Variants in TBC1D15 observed in about 807,000 individuals in gnomAD.
The protein encoded by TBC1D15 is TBC1 domain family member 15, also known as GAP for RAB7.
In TBC1D15, 39 loss-of-function variants were observed where a neutral mutation model predicts 95.4. The observed-to-expected ratio is 0.41, with a 90% CI of 0.32 to 0.53. TBC1D15 has a LOEUF of 0.53. Ranked by LOEUF, TBC1D15 falls within the 20% of genes least tolerant of loss-of-function variation. The pLI, the probability that TBC1D15 is intolerant of heterozygous loss-of-function variation, is 0.29. For synonymous variants in TBC1D15, 258 were observed against 261.3 expected (o/e 0.99, Z 0.12); for missense variants, 733 against 794.3 (o/e 0.92, Z 0.93).
chr12:71,911,375 A>G (rs533180064), intron 11 of TBC1D15, among the ~76,000 whole-genome samples: 1 of 152,076 alleles, frequency 6.6e-6, no homozygotes, highest in Admixed American at 6.6e-5. Context: ...AACCAATCCA[A>G]ATGTCCAATA....
intron 8 of TBC1D15, 112 bp from the exon 9 acceptor site, chr12:71,896,565 A>G (rs1242068761): frequency 9.9e-6 from 8 of 810,496 alleles, no homozygotes; most frequent in Admixed American, 8.0e-5. Context: ...AACTATTTAC[A>G]TATATGAAAC....
intron 1 of TBC1D15, among the ~76,000 whole-genome samples, chr12:71,867,581 A>G (rs767429297): frequency 6.6e-6 from 1 of 152,226 alleles, no homozygotes; most frequent in Non-Finnish European, 1.5e-5. Flanking sequence ...ATTTTGGAAT[A>G]TTTGCAGTAT....
At chr12:71,849,209 T>C in intron 1 of TBC1D15, 1 of 416,798 alleles carries the variant, frequency 2.4e-6, no homozygotes, top group Non-Finnish European at 4.3e-6. Flanking sequence ...TCAGTGTCCA[T>C]AGGGTTGTTC....
intron 10 of TBC1D15, among the ~76,000 whole-genome samples, chr12:71,901,051 A>G (rs975440856): frequency 6.6e-6 from 1 of 152,146 alleles, no homozygotes; most frequent in African/African-American, 2.4e-5. Context: ...GTCTTTCAAG[A>G]GACAGATTCT....
chr12:71,855,810 TA>T (rs1888922761), intron 1 of TBC1D15, among the ~76,000 whole-genome samples: 1 of 152,100 alleles, frequency 6.6e-6, no homozygotes, highest in African/African-American at 2.4e-5. Context: ...GTAGTAGTAT[TA>T]AAACATAGCT....
At chr12:71,872,686 T>C (rs1892941720) in intron 2 of TBC1D15, among the ~76,000 whole-genome samples, 2 of 152,184 alleles carry the variant, frequency 1.3e-5, no homozygotes, top group South Asian at 2.1e-4. Context: ...GTCTGTACTT[T>C]AGATAAAATG....
intron 1 of TBC1D15, among the ~76,000 whole-genome samples, chr12:71,862,205 G>A (rs961287820): frequency 3.3e-5 from 5 of 152,066 alleles, no homozygotes; most frequent in Non-Finnish European, 5.9e-5. Flanking sequence ...GGTCTAAAGT[G>A]CAGCTTAAAT....
intron 5 of TBC1D15, among the ~76,000 whole-genome samples, chr12:71,890,566 G>T (rs1897037563): frequency 2.6e-5 from 4 of 152,098 alleles, no homozygotes; most frequent in African/African-American, 7.2e-5. Context: ...TTTTACAGGA[G>T]CAGGGCCTTA....
chr12:71,883,212 A>G (rs1216076937), intron 4 of TBC1D15, among the ~76,000 whole-genome samples: 1 of 151,478 alleles, frequency 6.6e-6, no homozygotes, highest in Non-Finnish European at 1.5e-5. Context: ...TGTTCTAGGT[A>G]GTCTAAGTAC....
At chr12:71,920,647 T>TC in intron 14 of TBC1D15, 84 bp from the exon 15 acceptor site, 1 of 1,032,790 alleles carries the variant, frequency 9.7e-7, no homozygotes, top group Non-Finnish European at 1.5e-6. Context: ...TGCATAGAAG[T>TC]CATTCAGTGT....
Position 71,905,248 on chromosome 12 carries a change from T to C in TBC1D15, c.1184-1774T>C, listed in dbSNP as rs1483801682. On this transcript the variant is annotated intron_variant, in intron 10 of 16. Transcript: ENST00000485960. ...AGGCAGATATTCTGTATTGGCATTA[T>C]GGTAATATAAATTATGCTTGAGTTA... 2.0e-5 allele frequency among the ~76,000 whole-genome samples: 3 copies of C among 152,234 alleles called. No individual in the cohort carries two copies. The East Asian group carries it at 5.8e-4, about 29-fold the overall frequency.
At chr12:71,867,009 A>C (rs1263680990) in intron 1 of TBC1D15, among the ~76,000 whole-genome samples, 1 of 152,216 alleles carries the variant, frequency 6.6e-6, no homozygotes, top group African/African-American at 2.4e-5. Flanking sequence ...ACATAAGATC[A>C]CACCCTTAAA....
intron 1 of TBC1D15, chr12:71,854,458 C>T (rs1015977895): frequency 4.7e-6 from 2 of 425,952 alleles, no homozygotes; most frequent in Non-Finnish European, 9.3e-6. Flanking sequence ...AATTTGTTCT[C>T]TTTGTTGTTA....
chr12:71,880,611 T>G lies in TBC1D15; in HGVS notation c.343+4T>G. The G allele has an allele frequency of 6.3e-7, 1 of 1,598,806 alleles. No individual in the cohort carries two copies. The highest frequency in any genetic ancestry group is 8.5e-7 in the Non-Finnish European group (1 of 1,174,676). ...AGGAAACCACATACCAATGGAGGTA[T>G]GAATTAAATCTTTTGAAATCTTAAA... On this transcript the variant is annotated splice_donor_region_variant and intron_variant, in intron 4 of 16. Transcript: ENST00000485960.
intron 1 of TBC1D15, among the ~76,000 whole-genome samples, chr12:71,857,699 A>G (rs1889409642): frequency 6.6e-6 from 1 of 152,224 alleles, no homozygotes; most frequent in African/African-American, 2.4e-5. Context: ...TCTTTGTGTT[A>G]GAAGCATTCA....
At chr12:71,885,294 T>C (rs1896013414) in intron 5 of TBC1D15, among the ~76,000 whole-genome samples, 1 of 152,250 alleles carries the variant, frequency 6.6e-6, no homozygotes, top group Non-Finnish European at 1.5e-5. Context: ...TGATGATGCA[T>C]TAGTAATTTA....
At chr12:71,854,962 T>C in intron 1 of TBC1D15, 2 of 417,110 alleles carry the variant, frequency 4.8e-6, no homozygotes, top group Non-Finnish European at 9.5e-6. Flanking sequence ...ATTTTGTGTA[T>C]TAGTCCGTTA....
chr12:71,875,053 C>G (rs1001598753), intron 3 of TBC1D15, among the ~76,000 whole-genome samples: 1 of 152,120 alleles, frequency 6.6e-6, no homozygotes. Flanking sequence ...ATCCATCCAC[C>G]TCAGCCTCCC....
intron 1 of TBC1D15, among the ~76,000 whole-genome samples, chr12:71,853,515 A>G (rs549005365): frequency 8.5e-5 from 13 of 152,298 alleles, no homozygotes; most frequent in Non-Finnish European, 1.5e-4. Context: ...TAATACTTTA[A>G]TATCCTTCAC....
Sources: gnomAD v4.1 joint callset for allele counts (sites outside exome capture counted in the v4.1 genomes callset) on GRCh38, gnomAD v4.1.1 for gene constraint, MANE v1.5 for transcripts, NCBI Gene and HGNC (gene_info 2026-07-23, HGNC 2026-07-21) for gene names.